CLIC5: variants seen among roughly 807,000 people sequenced by gnomAD.
The protein encoded by CLIC5 is chloride intracellular channel protein 5.
Under a neutral mutation model 24.7 loss-of-function variants are expected in CLIC5, and 20 were observed. The ratio of observed to expected loss-of-function variants is 0.81; its 90% confidence interval spans 0.57 to 1.18. The LOEUF is 1.18. Among genes scored for constraint, CLIC5 ranks in the 50% most tolerant of loss-of-function variants. The pLI is 0.00. For synonymous variants in CLIC5, 159 were observed against 135.6 expected (o/e 1.17, Z -1.20); for missense variants, 341 against 326.1 (o/e 1.05, Z -0.35).
In CLIC5 at chr6:45,963,235, T is replaced by C. The variant is rs138992440; in HGVS notation, c.64-7991A>G. On this transcript the variant is annotated intron_variant, in intron 1 of 5. Coordinates refer to ENST00000339561, the MANE Select transcript of CLIC5 (RefSeq NM_016929.5). ...GATATTCGTCTTATAGCTAAAACTT[T>C]TGATTATCCTTTCTTCTTAAAGCTC... Among the ~76,000 whole-genome samples the C allele has an allele frequency of 4.8e-3, 727 of 152,260 alleles. 10 individuals carry two copies. The highest frequency in any genetic ancestry group is 0.016 in the African/African-American group (664 of 41,546).
chr6:46,120,523 G>A, the CLIC5 span, among the ~76,000 whole-genome samples: 1 of 152,228 alleles, frequency 6.6e-6, no homozygotes, highest in Non-Finnish European at 1.5e-5. Flanking sequence ...AAATCAGAGT[G>A]CCTCTCCTCC....
chr6:45,956,758 C>T (rs778430455), intron 1 of CLIC5, among the ~76,000 whole-genome samples: 3 of 152,152 alleles, frequency 2.0e-5, no homozygotes, highest in Non-Finnish European at 2.9e-5. Context: ...ACACCAAAAG[C>T]CCCACTCCCT....
At chr6:46,114,580 AG>A in the CLIC5 span, among the ~76,000 whole-genome samples, 1 of 152,116 alleles carries the variant, frequency 6.6e-6, no homozygotes, top group African/African-American at 2.4e-5. Context: ...GATCCTGTGT[AG>A]CATGTGTGTT....
downstream of CLIC5, among the ~76,000 whole-genome samples, chr6:45,894,923 G>A (rs574583182): frequency 6.6e-6 from 1 of 152,120 alleles, no homozygotes; most frequent in Non-Finnish European, 1.5e-5. Flanking sequence ...TCTGGTCCTA[G>A]TATTGTTTGG....
intron 2 of CLIC5, among the ~76,000 whole-genome samples, chr6:45,951,326 G>A (rs369785673): frequency 1.3e-5 from 2 of 152,164 alleles, no homozygotes; most frequent in African/African-American, 2.4e-5. Context: ...ATTCTGGAAC[G>A]CAGTCCCAAT....
intron 1 of CLIC5, among the ~76,000 whole-genome samples, chr6:46,028,480 A>C (rs973078453): frequency 2.6e-5 from 4 of 152,224 alleles, no homozygotes; most frequent in Non-Finnish European, 2.9e-5. Flanking sequence ...ATGAAGATAA[A>C]ATATTGTAAT....
chr6:46,015,976 C>G, upstream of CLIC5: 1 of 858,988 alleles, frequency 1.2e-6, no homozygotes, highest in Non-Finnish European at 1.4e-6. Context: ...CCACGGCCCC[C>G]CGCCCCAAGA....
chr6:45,990,589 C>A (rs1765901809), intron 1 of CLIC5, among the ~76,000 whole-genome samples: 2 of 152,194 alleles, frequency 1.3e-5, no homozygotes, highest in Admixed American at 1.3e-4. Flanking sequence ...ATAACATTCA[C>A]ACTGCAGTTT....
At chr6:45,979,485 C>T (rs1765495723) in intron 1 of CLIC5, among the ~76,000 whole-genome samples, 1 of 152,192 alleles carries the variant, frequency 6.6e-6, no homozygotes, top group South Asian at 2.1e-4. Context: ...TAGGGAAGGT[C>T]CACTAAGGCT....
At chr6:46,059,417 A>G (rs1003424539) in intron 1 of CLIC5, among the ~76,000 whole-genome samples, 6 of 152,212 alleles carry the variant, frequency 3.9e-5, no homozygotes, top group Non-Finnish European at 5.9e-5. Context: ...GAAACTTGCT[A>G]TTGTTGCTGT....
rs538338974 is a variant in CLIC5, at chr6:46,072,971, C to A, written c.540+6732G>T. Among the ~76,000 whole-genome samples the A allele has an allele frequency of 4.6e-5, 7 of 152,200 alleles. No homozygotes were observed. In the East Asian group the frequency reaches 1.2e-3, roughly 25 times the overall value. On this transcript the variant is annotated intron_variant, in intron 1 of 5. Coordinates refer to the CLIC5 transcript ENST00000185206. The stretch of plus-strand genomic sequence containing the variant: ...TGAATATATTCCCAGGCTAGGAATG[C>A]CGATATAAAGAAAAATCCCCTGGAT...
upstream of CLIC5, among the ~76,000 whole-genome samples, chr6:46,019,415 G>A (rs1395309384): frequency 6.6e-6 from 1 of 152,070 alleles, no homozygotes; most frequent in Non-Finnish European, 1.5e-5. Context: ...GGCCGGGCGC[G>A]GTGGCTCACG....
chr6:46,020,122 A>G (rs1767134891), upstream of CLIC5, among the ~76,000 whole-genome samples: 1 of 152,188 alleles, frequency 6.6e-6, no homozygotes, highest in Non-Finnish European at 1.5e-5. Context: ...CAACAACATA[A>G]TATACACTAT....
At chr6:46,071,610 A>C (rs1762599246) in intron 1 of CLIC5, among the ~76,000 whole-genome samples, 1 of 152,162 alleles carries the variant, frequency 6.6e-6, no homozygotes, top group Admixed American at 6.6e-5. Context: ...TGCAGAGATT[A>C]ATGACCACTT....
At chr6:46,079,970 G>C in exon 1 of CLIC5, 4 of 1,551,708 alleles carry the variant, frequency 2.6e-6, no homozygotes, top group Non-Finnish European at 3.5e-6. Context: ...GAGCCTCCTG[G>C]AGTTCAGAGT....
chr6:46,056,088 C>T (rs1057419503), intron 1 of CLIC5, among the ~76,000 whole-genome samples: 1 of 152,040 alleles, frequency 6.6e-6, no homozygotes, highest in African/African-American at 2.4e-5. Context: ...TTAAATTTTA[C>T]GTTATGTATA....
At chr6:46,031,970 TATATGTGTAC>T (rs1219884820) in intron 1 of CLIC5, among the ~76,000 whole-genome samples, 2 of 151,108 alleles carry the variant, frequency 1.3e-5, no homozygotes, top group Non-Finnish European at 2.9e-5. Flanking sequence ...CAAATATATA[TATATGTGTAC>T]ATATATATTT....
chr6:46,116,760 TG>T, the CLIC5 span, among the ~76,000 whole-genome samples: 1 of 152,226 alleles, frequency 6.6e-6, no homozygotes, highest in East Asian at 1.9e-4. Flanking sequence ...GCTTAAAGGG[TG>T]GACAAAATTG....
upstream of CLIC5, among the ~76,000 whole-genome samples, chr6:46,083,946 A>G (rs1043803177): frequency 2.0e-5 from 3 of 152,100 alleles, no homozygotes; most frequent in Non-Finnish European, 4.4e-5. Context: ...TTGCTTTATG[A>G]ATCTGGGTGC....
Sources: gnomAD v4.1 joint callset for allele counts (sites outside exome capture counted in the v4.1 genomes callset) on GRCh38, gnomAD v4.1.1 for gene constraint, MANE v1.5 for transcripts, NCBI Gene and HGNC (gene_info 2026-07-23, HGNC 2026-07-21) for gene names.